The following OSBPL11 variants were observed in gnomAD, a reference collection of about 807,000 sequenced individuals.
The protein encoded by OSBPL11 is oxysterol binding protein like 11.
OSBPL11 carries 33 observed loss-of-function variants against 84.4 expected under a neutral mutation model. The observed-to-expected ratio is 0.39, with a 90% CI of 0.30 to 0.52. The LOEUF (loss-of-function observed/expected upper bound fraction) is 0.52. Among genes scored for constraint, OSBPL11 ranks in the 20% least tolerant of loss-of-function variants. OSBPL11 has a pLI of 0.72. For synonymous variants in OSBPL11, 276 were observed against 310.2 expected (o/e 0.89, Z 1.16); for missense variants, 736 against 901.1 (o/e 0.82, Z 2.35).
intron 8 of OSBPL11, among the ~76,000 whole-genome samples, chr3:125,559,064 A>G (rs183679040): frequency 5.3e-5 from 8 of 152,356 alleles, no homozygotes; most frequent in African/African-American, 1.9e-4. Context: ...TGCCCAATCC[A>G]GTATATTGTC....
At chr3:125,584,634 C>T (rs1358399845) in intron 1 of OSBPL11, among the ~76,000 whole-genome samples, 2 of 152,176 alleles carry the variant, frequency 1.3e-5, no homozygotes, top group African/African-American at 2.4e-5. Flanking sequence ...AATATCACAA[C>T]TGAGTTACAG....
At chr3:125,569,945 T>C (rs1472014954) in intron 5 of OSBPL11, among the ~76,000 whole-genome samples, 2 of 152,192 alleles carry the variant, frequency 1.3e-5, no homozygotes, top group Non-Finnish European at 2.9e-5. Context: ...AGGGTGCTCG[T>C]AACATTTAAC....
intron 8 of OSBPL11, among the ~76,000 whole-genome samples, chr3:125,555,963 G>A (rs987817548): frequency 3.9e-5 from 6 of 152,288 alleles, no homozygotes; most frequent in South Asian, 4.1e-4. Context: ...GATTACAGGC[G>A]TGAGCCACTG....
intron 10 of OSBPL11, among the ~76,000 whole-genome samples, chr3:125,546,805 G>A (rs984643581): frequency 3.9e-5 from 6 of 151,986 alleles, no homozygotes; most frequent in Admixed American, 2.0e-4. Context: ...CACAAAAATC[G>A]CTTGAACCCA....
intron 9 of OSBPL11, among the ~76,000 whole-genome samples, chr3:125,550,310 G>A (rs912235876): frequency 1.3e-5 from 2 of 151,616 alleles, no homozygotes; most frequent in Non-Finnish European, 2.9e-5. Context: ...GGGAGGCAGA[G>A]ATTGCAGTGA....
intron 9 of OSBPL11, among the ~76,000 whole-genome samples, chr3:125,551,800 C>T (rs191994584): frequency 1.7e-3 from 258 of 151,456 alleles, no homozygotes; most frequent in African/African-American, 3.0e-3. Context: ...AGAAAACAAA[C>T]GAAAAGAAAT....
intron 8 of OSBPL11, among the ~76,000 whole-genome samples, chr3:125,555,691 CT>C (rs927957323): frequency 6.9e-4 from 102 of 147,676 alleles, no homozygotes; most frequent in Admixed American, 2.2e-3. Flanking sequence ...GAGATATTAT[CT>C]TTTTTTTTTT....
chr3:125,588,221 CAAAAAA>C (rs35794012), intron 1 of OSBPL11, among the ~76,000 whole-genome samples: 1 of 51,646 alleles, frequency 1.9e-5, no homozygotes, highest in African/African-American at 7.0e-5. Context: ...GACCCTGTCT[CAAAAAA>C]AAAAAAAAAA....
In OSBPL11 at chr3:125,563,807, A is replaced by G. The variant is rs1441188552; in HGVS notation, c.905T>C (p.Leu302Ser). 1.9e-6 allele frequency: 3 copies of G among 1,614,162 alleles called. No individual in the cohort carries two copies. The highest frequency in any genetic ancestry group is 8.5e-7 in the Non-Finnish European group (1 of 1,180,016). ...AGCTCCATTTTTATAGTGGTTTGAT[A>G]AAGATATCTTTGGTTCTAACCACTC... ...TIEWLEPKIS[L>S]SNHYKNGADQ... Residue 302 changes from leucine (L) to serine (S), a missense_variant, in exon 7 of 13, where the codon TTA (leucine) becomes TCA (serine). Coordinates refer to ENST00000296220, the MANE Select transcript of OSBPL11 (RefSeq NM_022776.5).
chr3:125,592,169 C>T (rs190422331), intron 1 of OSBPL11, among the ~76,000 whole-genome samples: 142 of 152,274 alleles, frequency 9.3e-4, no homozygotes, highest in East Asian at 7.5e-3. Flanking sequence ...CCTTCCACCT[C>T]AGCCTCCTGA....
intron 1 of OSBPL11, among the ~76,000 whole-genome samples, chr3:125,587,502 A>C (rs1936532305): frequency 6.6e-6 from 1 of 152,242 alleles, no homozygotes; most frequent in South Asian, 2.1e-4. Context: ...CGAAATGGCA[A>C]GAGATGGGCA....
Position 125,531,879 on chromosome 3 carries a change from G to C in OSBPL11, c.2160C>G (p.Thr720=), listed in dbSNP as rs1438832102. 4.3e-6 allele frequency: 7 copies of C among 1,610,560 alleles called. No homozygotes were observed. Among genetic ancestry groups the C allele is most frequent in the Admixed American group, 3.4e-5 (2 of 58,856 alleles). The change falls in exon 12 of 13, where the codon ACC becomes ACG. Residue 720 remains threonine, a synonymous_variant. Transcript: ENST00000296220. ...HRTETGTPWK[T]KYFIKEGDGW... ...AGCATACCTCTTTAATAAAATATTT[G>C]GTTTTCCAAGGTGTGCCTGTTTCAG...
intron 8 of OSBPL11, 26 bp from the exon 9 acceptor site, chr3:125,552,705 G>A: frequency 1.3e-6 from 2 of 1,593,976 alleles, no homozygotes; most frequent in Middle Eastern, 1.7e-4. Flanking sequence ...ATGAAAGAGG[G>A]GAAATTTAAT....
intron 8 of OSBPL11, among the ~76,000 whole-genome samples, chr3:125,559,694 A>G (rs1470041658): frequency 6.6e-6 from 1 of 151,960 alleles, no homozygotes; most frequent in Non-Finnish European, 1.5e-5. Context: ...CTCCTGACCT[A>G]AAGTGATCTG....
intron 10 of OSBPL11, among the ~76,000 whole-genome samples, chr3:125,542,268 G>A (rs1935740245): frequency 1.3e-5 from 2 of 151,786 alleles, no homozygotes; most frequent in African/African-American, 4.8e-5. Context: ...TATTTAAAAA[G>A]TTACGCCAAT....
intron 5 of OSBPL11, 75 bp downstream of exon 5, chr3:125,576,114 T>C: frequency 7.4e-7 from 1 of 1,354,512 alleles, no homozygotes; most frequent in Non-Finnish European, 1.0e-6. Context: ...CAAACAGTAT[T>C]TAAGTTTTTT....
intron 10 of OSBPL11, among the ~76,000 whole-genome samples, chr3:125,544,750 C>T (rs181994692): frequency 3.9e-5 from 6 of 152,082 alleles, no homozygotes; most frequent in Non-Finnish European, 5.9e-5. Context: ...GCCCTATATG[C>T]GGGTGAGAAT....
At chr3:125,541,681 C>T (rs529868455) in intron 10 of OSBPL11, among the ~76,000 whole-genome samples, 2 of 152,144 alleles carry the variant, frequency 1.3e-5, no homozygotes, top group African/African-American at 4.8e-5. Flanking sequence ...AGGATCAAGC[C>T]ATCCACCCGC....
chr3:125,558,658 C>G (rs1362406011), intron 8 of OSBPL11, among the ~76,000 whole-genome samples: 1 of 152,098 alleles, frequency 6.6e-6, no homozygotes, highest in Non-Finnish European at 1.5e-5. Flanking sequence ...AATAATCCTA[C>G]AGTAATAAAT....
Sources: allele counts gnomAD v4.1 joint callset (sites outside exome capture counted in the v4.1 genomes callset), GRCh38; gene constraint gnomAD v4.1.1; transcripts MANE v1.5; gene names NCBI Gene and HGNC (gene_info 2026-07-23, HGNC 2026-07-21).